The following UBE3A variants were observed in gnomAD, a reference collection of about 807,000 sequenced individuals.
UBE3A encodes the protein ubiquitin protein ligase E3A.
UBE3A carries 6 observed loss-of-function variants against 83.4 expected under a neutral mutation model. That is an observed-to-expected ratio of 0.07 (90% CI 0.04 to 0.14). The LOEUF is 0.14. Among genes scored for constraint, UBE3A ranks in the 10% least tolerant of loss-of-function variants. The pLI is 1.00. For synonymous variants in UBE3A, 337 were observed against 355.4 expected (o/e 0.95, Z 0.58); for missense variants, 456 against 1,036.1 (o/e 0.44, Z 7.69).
chr15:25,398,177 A>AAAC (rs1426315880), intron 4 of UBE3A, among the ~76,000 whole-genome samples: 3 of 150,868 alleles, frequency 2.0e-5, no homozygotes, highest in Admixed American at 6.6e-5. Context: ...CAAAAAAAAA[A>AAAC]AAAAAAAAAA....
intron 1 of UBE3A, among the ~76,000 whole-genome samples, chr15:25,437,581 T>C (rs566826461): frequency 3.2e-4 from 48 of 152,288 alleles, no homozygotes; most frequent in African/African-American, 9.1e-4. Flanking sequence ...CATATGCTAT[T>C]AGTTTACATT....
At chr15:25,425,974 A>T (rs17115585) in intron 1 of UBE3A, among the ~76,000 whole-genome samples, 18,113 of 152,242 alleles carry the variant, frequency 0.12, 1,150 homozygotes, top group Middle Eastern at 0.23. Context: ...CTGGAAGAGT[A>T]CTGTAATCTC....
intron 11 of UBE3A, among the ~76,000 whole-genome samples, chr15:25,348,008 T>C (rs2075964081): frequency 1.3e-5 from 2 of 151,846 alleles, no homozygotes; most frequent in Non-Finnish European, 2.9e-5. Context: ...GAAAGTAAAA[T>C]GATAGTAAAA....
chr15:25,366,572 C>A (rs952865574), intron 6 of UBE3A, among the ~76,000 whole-genome samples: 1 of 152,120 alleles, frequency 6.6e-6, no homozygotes, highest in Admixed American at 6.5e-5. Context: ...CTCAGCCATT[C>A]CTTTTGGTTT....
chr15:25,363,259 C>T (rs1412034028), intron 6 of UBE3A, among the ~76,000 whole-genome samples: 1 of 152,014 alleles, frequency 6.6e-6, no homozygotes, highest in African/African-American at 2.4e-5. Context: ...TGTAAAATAA[C>T]CATAATAATA....
chr15:25,423,366 G>A (rs535328624), intron 1 of UBE3A, among the ~76,000 whole-genome samples: 2 of 152,142 alleles, frequency 1.3e-5, no homozygotes, highest in East Asian at 3.9e-4. Context: ...TTTTTAAAAG[G>A]TAATTGGCAA....
chr15:25,371,923 T>A lies in UBE3A; in HGVS notation c.362-111A>T. The stretch of plus-strand genomic sequence containing the variant: ...CCAAACATTCTAGGCTCAATATCAT[T>A]TATGATATACAACTCTTAAAGTATC... On this transcript the variant is annotated intron_variant, in intron 5 of 12. Coordinates refer to ENST00000648336, the MANE Select transcript of UBE3A (RefSeq NM_130839.5). This position sits in a 1 kb window ranked among gnomAD's most constrained non-coding sequence, Gnocchi z 5.3. 2 of 1,042,116 alleles carry A rather than the reference T, an allele frequency of 1.9e-6. No homozygotes were observed. Among genetic ancestry groups the A allele is most frequent in the Non-Finnish European group, 2.7e-6 (2 of 730,790 alleles). 64.6% of individuals were successfully genotyped at this position (1,042,116 alleles called of 1,614,324 possible).
At chr15:25,346,798 AAG>A (rs1203367267) in intron 11 of UBE3A, 1 of 152,200 alleles carries the variant, frequency 6.6e-6, no homozygotes, top group African/African-American at 2.4e-5. Flanking sequence ...ATCTGAACAA[AAG>A]AGAGAAAATA....
chr15:25,371,844 AT>A lies in UBE3A; in HGVS notation c.362-33del. 2 of 1,588,088 alleles carry A rather than the reference AT, an allele frequency of 1.3e-6. No homozygotes were observed. The highest frequency in any genetic ancestry group is 1.7e-6 in the Non-Finnish European group (2 of 1,171,246). The stretch of plus-strand genomic sequence containing the variant: ...AATCAGAGGAAAAAAGAGAACATTT[AT>A]TTTCATAATATGTATGTTTACTCTG... On this transcript the variant is annotated intron_variant, in intron 5 of 12. Coordinates refer to ENST00000648336, the MANE Select transcript of UBE3A (RefSeq NM_130839.5). This position sits in a 1 kb window ranked among gnomAD's most constrained non-coding sequence, Gnocchi z 5.3.
At chr15:25,378,058 A>T (rs944289384) in intron 4 of UBE3A, among the ~76,000 whole-genome samples, 5 of 152,196 alleles carry the variant, frequency 3.3e-5, no homozygotes, top group African/African-American at 1.2e-4. Flanking sequence ...TTAAAAATTA[A>T]TAACTATAAG....
At chr15:25,342,741 G>A (rs1487401591) in intron 11 of UBE3A, among the ~76,000 whole-genome samples, 3 of 152,162 alleles carry the variant, frequency 2.0e-5, no homozygotes, top group East Asian at 1.9e-4. Flanking sequence ...TCCAGCAGGA[G>A]CTACATCGAA....
chr15:25,398,167 CAAAAAAA>C (rs71127052), intron 4 of UBE3A, among the ~76,000 whole-genome samples: 1 of 99,210 alleles, frequency 1.0e-5, no homozygotes, highest in Non-Finnish European at 1.8e-5. Context: ...GACTCTGTCT[CAAAAAAA>C]AAAAAAAAAA....
chr15:25,397,347 CAAATAATCA>C (rs768509426), intron 4 of UBE3A, among the ~76,000 whole-genome samples: 14 of 152,156 alleles, frequency 9.2e-5, no homozygotes, highest in Non-Finnish European at 1.5e-4. Flanking sequence ...AAACTTGTGA[CAAATAATCA>C]TGCCTCACAC....
intron 11 of UBE3A, among the ~76,000 whole-genome samples, chr15:25,342,822 C>T (rs1203670100): frequency 6.6e-6 from 1 of 152,078 alleles, no homozygotes; most frequent in Non-Finnish European, 1.5e-5. Context: ...CACCACCTGC[C>T]CCTCAACAGA....
chr15:25,348,496 G>A (rs968303231), intron 11 of UBE3A, among the ~76,000 whole-genome samples: 1 of 152,038 alleles, frequency 6.6e-6, no homozygotes, highest in Non-Finnish European at 1.5e-5. Flanking sequence ...TGCAATAGAG[G>A]AACAGTAATA....
chr15:25,364,075 A>T (rs866910662), intron 6 of UBE3A, among the ~76,000 whole-genome samples: 1 of 60,670 alleles, frequency 1.6e-5, no homozygotes, highest in Non-Finnish European at 3.8e-5. Flanking sequence ...AATAAATAAA[A>T]AATAGTGGGG....
rs934592711 is a variant in UBE3A at position 25,339,995 on chromosome 15, G to A, written c.2498+90C>T. 12 of 1,515,374 alleles carry A rather than the reference G, an allele frequency of 7.9e-6. No individual in the cohort carries two copies. In the African/African-American group the frequency reaches 1.5e-4, roughly 19 times the overall value. The allele number at this position is 1,515,374 out of a possible 1,614,324, so 93.9% of individuals were successfully genotyped here. A position where few individuals can be genotyped will look rare whatever the true frequency, so the allele number is the denominator to read the frequency against. ...GATTTGTATATAAAATCACGAATGT[G>A]CTCAGAAACTATAAAGACAGTTCAT... On this transcript the variant is annotated intron_variant, in intron 12 of 12. Transcript: ENST00000648336.
At chr15:25,384,175 A>T (rs2082672721) in intron 4 of UBE3A, among the ~76,000 whole-genome samples, 1 of 152,150 alleles carries the variant, frequency 6.6e-6, no homozygotes, top group Admixed American at 6.5e-5. Context: ...ATTAAACAAC[A>T]TAGGCCGGAC....
chr15:25,359,708 T>C (rs1283082860), intron 7 of UBE3A, among the ~76,000 whole-genome samples: 3 of 152,128 alleles, frequency 2.0e-5, no homozygotes, highest in African/African-American at 4.8e-5. Context: ...TGAAGTTAAG[T>C]AGACTACCCA....
Sources: allele counts gnomAD v4.1 joint callset (sites outside exome capture counted in the v4.1 genomes callset), GRCh38; gene constraint gnomAD v4.1.1; non-coding constraint Gnocchi (gnomAD v3.1); transcripts MANE v1.5; gene names NCBI Gene and HGNC (gene_info 2026-07-23, HGNC 2026-07-21).